RPS6KC1: variants seen among roughly 807,000 people sequenced by gnomAD.
RPS6KC1 encodes inactive ribosomal protein S6 kinase delta-1.
RPS6KC1 carries 54 observed loss-of-function variants against 103.8 expected under a neutral mutation model. The observed-to-expected ratio is 0.52, with a 90% CI of 0.42 to 0.65. The LOEUF is 0.65. Ranked by LOEUF, RPS6KC1 falls within the 30% of genes least tolerant of loss-of-function variation. RPS6KC1 has a pLI of 0.00. For synonymous variants in RPS6KC1, 439 were observed against 438.7 expected (o/e 1.00, Z -0.01); for missense variants, 1,151 against 1,253.8 (o/e 0.92, Z 1.24).
At chr1:213,224,094 AT>A (rs770885565) in intron 8 of RPS6KC1, among the ~76,000 whole-genome samples, 3 of 152,218 alleles carry the variant, frequency 2.0e-5, no homozygotes, top group Non-Finnish European at 2.9e-5. Flanking sequence ...ATAGTAGCAT[AT>A]CTCTTTTCTC....
chr1:213,722,252 G>T, the RPS6KC1 span, among the ~76,000 whole-genome samples: 63 of 152,100 alleles, frequency 4.1e-4, 1 homozygote, highest in Admixed American at 2.6e-4. Context: ...CAAGGTGACT[G>T]GTCTTGTCAT....
the RPS6KC1 span, among the ~76,000 whole-genome samples, chr1:213,728,937 G>GTTTTGTTTTTTTTTTTTTTTT: frequency 2.1e-5 from 2 of 93,416 alleles, no homozygotes; most frequent in Non-Finnish European, 3.9e-5. Context: ...GAACATGAGG[G>GTTTTGTTTTTTTTTTTTTTTT]TTTTTTTTTT....
At chr1:213,170,884 G>C (rs1292691533) in intron 7 of RPS6KC1, among the ~76,000 whole-genome samples, 2 of 152,122 alleles carry the variant, frequency 1.3e-5, no homozygotes, top group Admixed American at 1.3e-4. Flanking sequence ...CACAATGAGA[G>C]GATTTGTGTA....
the RPS6KC1 span, among the ~76,000 whole-genome samples, chr1:213,657,850 T>G: frequency 2.0e-5 from 3 of 152,230 alleles, no homozygotes; most frequent in Non-Finnish European, 4.4e-5. Flanking sequence ...GCCTGCTAAT[T>G]CTAGGCATTA....
chr1:213,229,289 A>G (rs2148847507), intron 8 of RPS6KC1, among the ~76,000 whole-genome samples: 1 of 151,574 alleles, frequency 6.6e-6, no homozygotes, highest in Middle Eastern at 3.4e-3. Flanking sequence ...GTTTCTTCTC[A>G]CCTTTTAAAA....
chr1:213,250,842 C>G (rs537077286), intron 12 of RPS6KC1, among the ~76,000 whole-genome samples: 1 of 152,300 alleles, frequency 6.6e-6, no homozygotes, highest in African/African-American at 2.4e-5. Flanking sequence ...AAAATTGTCT[C>G]TGTATTTAAA....
chr1:213,418,471 C>T, the RPS6KC1 span, among the ~76,000 whole-genome samples: 1 of 152,236 alleles, frequency 6.6e-6, no homozygotes, highest in South Asian at 2.1e-4. Flanking sequence ...ACCCTGAGCA[C>T]TGGGCGGCAG....
the RPS6KC1 span, among the ~76,000 whole-genome samples, chr1:213,337,423 G>A: frequency 6.6e-6 from 1 of 152,192 alleles, no homozygotes; most frequent in Admixed American, 6.5e-5. Flanking sequence ...ACTGTGTATG[G>A]TTATCGTACT....
chr1:213,373,111 A>G, the RPS6KC1 span, among the ~76,000 whole-genome samples: 1 of 152,196 alleles, frequency 6.6e-6, no homozygotes, highest in Non-Finnish European at 1.5e-5. Context: ...TCTAACGAAA[A>G]AGCATTTGAA....
At chr1:213,104,610 A>C (rs1319920787) in intron 4 of RPS6KC1, 41 bp downstream of exon 4, 1 of 1,137,812 alleles carries the variant, frequency 8.8e-7, no homozygotes. Flanking sequence ...CTTATTAAAT[A>C]CTTTTGTAAT....
the RPS6KC1 span, among the ~76,000 whole-genome samples, chr1:213,571,441 G>A: frequency 6.6e-6 from 1 of 152,160 alleles, no homozygotes; most frequent in Non-Finnish European, 1.5e-5. Context: ...GCTGGGTCTT[G>A]GGAAGCAGAG....
At chr1:213,350,399 C>T in the RPS6KC1 span, among the ~76,000 whole-genome samples, 66 of 152,234 alleles carry the variant, frequency 4.3e-4, 1 homozygote, top group East Asian at 0.012. Flanking sequence ...AAAGAGCTAT[C>T]GAGGAGTCCT....
chr1:213,763,410 C>T, the RPS6KC1 span, among the ~76,000 whole-genome samples: 2 of 152,170 alleles, frequency 1.3e-5, no homozygotes, highest in African/African-American at 4.8e-5. Context: ...ATGGCACTTG[C>T]CCAAGGCAGG....
At chr1:213,257,180 C>A (rs2094667157) in intron 12 of RPS6KC1, among the ~76,000 whole-genome samples, 1 of 152,174 alleles carries the variant, frequency 6.6e-6, no homozygotes, top group Non-Finnish European at 1.5e-5. Flanking sequence ...CACATTTCAT[C>A]TGGGGTGCGT....
At chr1:213,063,507 G>T (rs2078027310) in intron 1 of RPS6KC1, among the ~76,000 whole-genome samples, 1 of 152,160 alleles carries the variant, frequency 6.6e-6, no homozygotes, top group Admixed American at 6.5e-5. Context: ...AGTTACTTTT[G>T]CTGTGAGACA....
chr1:213,513,472 C>T, the RPS6KC1 span, among the ~76,000 whole-genome samples: 1 of 127,218 alleles, frequency 7.9e-6, no homozygotes, highest in Non-Finnish European at 1.8e-5. Flanking sequence ...AAAGAGATAG[C>T]ACAGTTCCTT....
chr1:213,605,015 T>C, the RPS6KC1 span, among the ~76,000 whole-genome samples: 1 of 152,196 alleles, frequency 6.6e-6, no homozygotes, highest in Non-Finnish European at 1.5e-5. Flanking sequence ...GTCTGGAACA[T>C]TCTTTCCCTT....
chr1:213,168,028 T>C, intron 7 of RPS6KC1, 55 bp downstream of exon 7: 1 of 1,080,700 alleles, frequency 9.3e-7, no homozygotes, highest in Non-Finnish European at 1.4e-6. Flanking sequence ...CTGTCTGGTC[T>C]CTCTGCTTTA....
chr1:213,069,460 C>T (rs556909579), intron 1 of RPS6KC1, among the ~76,000 whole-genome samples: 1 of 152,162 alleles, frequency 6.6e-6, no homozygotes, highest in African/African-American at 2.4e-5. Flanking sequence ...GTATTATCTC[C>T]GTTTTATCGA....
Sources: gnomAD v4.1 joint callset for allele counts (sites outside exome capture counted in the v4.1 genomes callset) on GRCh38, gnomAD v4.1.1 for gene constraint, MANE v1.5 for transcripts, NCBI Gene and HGNC (gene_info 2026-07-23, HGNC 2026-07-21) for gene names.